The following STRBP variants were observed in gnomAD, a reference collection of about 807,000 sequenced individuals.
STRBP encodes spermatid perinuclear RNA-binding protein.
STRBP carries 13 observed loss-of-function variants against 80.1 expected under a neutral mutation model. The observed-to-expected ratio is 0.16, with a 90% CI of 0.11 to 0.26. STRBP has a LOEUF of 0.26. STRBP is among the 10% of genes least tolerant of loss of function. The probability of loss-of-function intolerance (pLI) is 1.00; values close to 1 mark genes in which losing one functional copy is unlikely to be tolerated. For missense variants in STRBP, 485 were observed against 815.2 expected (o/e 0.59, Z 4.93); for synonymous variants, 284 against 291.2 (o/e 0.98, Z 0.25).
In STRBP at chr9:123,123,343, G is replaced by T; in HGVS notation, c.*2254C>A. ...TGGAATTTTCATTACAAAATGGAAG[G>T]GTGGGAAGGGCAACAGGTGGGGGGA... On this transcript the variant is annotated 3_prime_UTR_variant, in exon 19 of 19. Coordinates refer to ENST00000348403, the MANE Select transcript of STRBP (RefSeq NM_018387.5). 1.0e-6 allele frequency: 1 copy of T among 985,340 alleles called. No individual in the cohort carries two copies. Among genetic ancestry groups the T allele is most frequent in the Non-Finnish European group, 1.2e-6 (1 of 829,914 alleles). 61.0% of individuals were successfully genotyped at this position (985,340 alleles called of 1,614,324 possible).
chr9:123,222,989 A>T (rs1391275295), intron 2 of STRBP, among the ~76,000 whole-genome samples: 2 of 152,118 alleles, frequency 1.3e-5, no homozygotes, highest in Non-Finnish European at 1.5e-5. Context: ...TTATTCAGTG[A>T]TTTAATGGAG....
At chr9:123,255,811 G>A (rs1428426137) in intron 1 of STRBP, among the ~76,000 whole-genome samples, 6 of 152,024 alleles carry the variant, frequency 3.9e-5, no homozygotes, top group Non-Finnish European at 8.8e-5. Context: ...ATCATCACCT[G>A]TATATAACCA....
At chr9:123,202,682 A>G (rs1321691327) in intron 2 of STRBP, among the ~76,000 whole-genome samples, 2 of 152,186 alleles carry the variant, frequency 1.3e-5, no homozygotes, top group Non-Finnish European at 2.9e-5. Flanking sequence ...ACATTTAAAA[A>G]TAGATAAAAG....
chr9:123,208,881 G>A (rs190156371), intron 2 of STRBP, among the ~76,000 whole-genome samples: 17 of 152,294 alleles, frequency 1.1e-4, no homozygotes, highest in Admixed American at 1.0e-3. Context: ...AACCTCTCTT[G>A]TACAGCTTCT....
At chr9:123,264,014 C>T (rs957291792) in intron 1 of STRBP, among the ~76,000 whole-genome samples, 4 of 152,194 alleles carry the variant, frequency 2.6e-5, no homozygotes, top group Non-Finnish European at 4.4e-5. Context: ...CCCGCCTCTA[C>T]TAAAAATACA....
At chr9:123,120,027 C>T (rs539537680), downstream of STRBP, among the ~76,000 whole-genome samples, 6 of 152,258 alleles carry the variant, frequency 3.9e-5, no homozygotes, top group African/African-American at 1.4e-4. Flanking sequence ...TTACAACCAA[C>T]TCAACTGGAA....
intron 2 of STRBP, among the ~76,000 whole-genome samples, chr9:123,198,328 C>T (rs774579458): frequency 1.6e-4 from 25 of 151,816 alleles, no homozygotes; most frequent in Non-Finnish European, 3.1e-4. Flanking sequence ...TGTAGAGACA[C>T]ATTTTCACTA....
intron 6 of STRBP, chr9:123,168,069 G>T: frequency 3.6e-6 from 1 of 275,466 alleles, no homozygotes; most frequent in Non-Finnish European, 5.5e-6. Context: ...TTAGCCTTTG[G>T]CAACTTCAGT....
chr9:123,169,208 AC>A (rs1307114120), intron 6 of STRBP, among the ~76,000 whole-genome samples: 1 of 147,964 alleles, frequency 6.8e-6, no homozygotes, highest in Non-Finnish European at 1.5e-5. Context: ...TTGCTCTGTC[AC>A]CCAGGCTGGA....
chr9:123,231,732 T>C (rs1431241813), intron 2 of STRBP, among the ~76,000 whole-genome samples: 1 of 152,150 alleles, frequency 6.6e-6, no homozygotes, highest in Admixed American at 6.5e-5. Context: ...TCTGCCCCAC[T>C]TGCCTCCAGT....
chr9:123,243,265 C>CAAAAAAAAAAAAAAAAA (rs1160280485), intron 1 of STRBP, among the ~76,000 whole-genome samples: 1 of 78,952 alleles, frequency 1.3e-5, no homozygotes, highest in Non-Finnish European at 2.9e-5. Context: ...ATCAATAAGA[C>CAAAAAAAAAAAAAAAAA]AAAAAAAAAA....
chr9:123,200,353 T>C (rs2039269770), intron 2 of STRBP, among the ~76,000 whole-genome samples: 1 of 152,266 alleles, frequency 6.6e-6, no homozygotes, highest in Non-Finnish European at 1.5e-5. Context: ...TCTATGTTCA[T>C]CACAAAAATT....
chr9:123,164,829 C>T (rs1256313140), intron 6 of STRBP, among the ~76,000 whole-genome samples: 1 of 152,192 alleles, frequency 6.6e-6, no homozygotes, highest in East Asian at 1.9e-4. Context: ...CCCCAAACCA[C>T]TGTCCATGCA....
At chr9:123,180,230 G>C (rs7871718) in intron 3 of STRBP, among the ~76,000 whole-genome samples, 47,006 of 152,036 alleles carry the variant, frequency 0.31, 10,664 homozygotes, top group East Asian at 0.7. Context: ...ACTCCAACCT[G>C]GGCAACAGAG....
At chr9:123,166,571 T>C (rs564103145) in intron 6 of STRBP, among the ~76,000 whole-genome samples, 3 of 151,824 alleles carry the variant, frequency 2.0e-5, no homozygotes, top group Non-Finnish European at 1.5e-5. Context: ...CTGGGCAACA[T>C]AGCAAAACCT....
At chr9:123,228,391 T>G (rs1173490392) in intron 2 of STRBP, among the ~76,000 whole-genome samples, 1 of 152,104 alleles carries the variant, frequency 6.6e-6, no homozygotes, top group Non-Finnish European at 1.5e-5. Flanking sequence ...ACGCCAATTT[T>G]TAAAGGCAGG....
chr9:123,207,772 A>C (rs1338713074), intron 2 of STRBP, among the ~76,000 whole-genome samples: 1 of 150,734 alleles, frequency 6.6e-6, no homozygotes, highest in African/African-American at 2.5e-5. Flanking sequence ...AGGGATATAC[A>C]CATAATACAT....
At chr9:123,219,148 C>T (rs569218943) in intron 2 of STRBP, among the ~76,000 whole-genome samples, 2 of 152,102 alleles carry the variant, frequency 1.3e-5, no homozygotes, top group Admixed American at 6.5e-5. Flanking sequence ...AGACAGAGAA[C>T]AGGAGTTTGC....
At chr9:123,266,323 G>A (rs1438701880) in intron 1 of STRBP, among the ~76,000 whole-genome samples, 1 of 151,884 alleles carries the variant, frequency 6.6e-6, no homozygotes, top group African/African-American at 2.4e-5. Flanking sequence ...CTGGGTTCTG[G>A]AATTAAAAGC....
Sources: gnomAD v4.1 joint callset for allele counts (sites outside exome capture counted in the v4.1 genomes callset) on GRCh38, gnomAD v4.1.1 for gene constraint, MANE v1.5 for transcripts, NCBI Gene and HGNC (gene_info 2026-07-23, HGNC 2026-07-21) for gene names.